Variants in PEAK1 observed in about 807,000 individuals in gnomAD.
PEAK1 encodes the protein inactive tyrosine-protein kinase PEAK1.
In PEAK1, 54 loss-of-function variants were observed where a neutral mutation model predicts 124.7. That is an observed-to-expected ratio of 0.43 (90% CI 0.35 to 0.54). PEAK1 has a LOEUF of 0.54. Ranked by LOEUF, PEAK1 falls within the 20% of genes least tolerant of loss-of-function variation. The pLI is 0.01. For missense variants in PEAK1, 2,046 were observed against 2,134.5 expected (o/e 0.96, Z 0.82); for synonymous variants, 719 against 760.0 (o/e 0.95, Z 0.89).
At chr15:77,169,714 G>T (rs1291014494) in intron 7 of PEAK1, among the ~76,000 whole-genome samples, 1 of 152,194 alleles carries the variant, frequency 6.6e-6, no homozygotes, top group Admixed American at 6.5e-5. Flanking sequence ...CAAGGTAGTA[G>T]AAGCAGAGGT....
chr15:77,104,239 G>C (rs1378005793), downstream of PEAK1: 1 of 152,410 alleles, frequency 6.6e-6, no homozygotes, highest in African/African-American at 2.4e-5. Context: ...GTGTGGGAAA[G>C]CCTGGACCAG....
At chr15:77,337,716 T>C in intron 2 of PEAK1, 2 of 985,268 alleles carry the variant, frequency 2.0e-6, no homozygotes, top group South Asian at 9.4e-5. Flanking sequence ...TTTATTATTA[T>C]AGCACAGTTA....
At chr15:77,216,225 G>A (rs1205052403) in intron 6 of PEAK1, among the ~76,000 whole-genome samples, 3 of 152,132 alleles carry the variant, frequency 2.0e-5, no homozygotes, top group African/African-American at 7.2e-5. Context: ...CCTTTGGAAC[G>A]TTTTGTATTT....
In PEAK1 at chr15:77,269,374, T is replaced by A. The variant is rs140008033; in HGVS notation, c.-275+14509A>T. Among the ~76,000 whole-genome samples, 386 of 152,282 alleles carry A rather than the reference T, an allele frequency of 2.5e-3. 14 individuals are homozygous for A. The East Asian group carries it at 0.066, about 26-fold the overall frequency. ...AAGCAAGCAGGAGTAGCTATTCTTA[T>A]ATCAGACAAAACAAACTTTAAATCA... On this transcript the variant is annotated intron_variant, in intron 5 of 9. Transcript: ENST00000682557.
chr15:77,230,789 T>C (rs1018745107), intron 6 of PEAK1, among the ~76,000 whole-genome samples: 5 of 151,990 alleles, frequency 3.3e-5, no homozygotes, highest in Admixed American at 1.3e-4. Context: ...ACTATGATTG[T>C]ACCACTACAC....
At chr15:77,117,790 A>C (rs973082339) in intron 9 of PEAK1, among the ~76,000 whole-genome samples, 4 of 152,236 alleles carry the variant, frequency 2.6e-5, no homozygotes, top group African/African-American at 9.6e-5. Context: ...CAGGCTGAAA[A>C]AAAAAACTGT....
downstream of PEAK1, chr15:77,108,151 T>A (rs554916921): frequency 6.6e-6 from 1 of 152,148 alleles, no homozygotes; most frequent in African/African-American, 2.4e-5. Flanking sequence ...GGACAAGCAT[T>A]TGTCTGTTTT....
intron 1 of PEAK1, 99 bp downstream of exon 1, chr15:77,419,907 C>T (rs2073243143): frequency 6.7e-6 from 1 of 149,924 alleles, no homozygotes; most frequent in Non-Finnish European, 1.5e-5. Flanking sequence ...GCCCGGATTC[C>T]CCCGGGTCAG....
chr15:77,133,354 AT>A lies in PEAK1; in HGVS notation c.3727del (p.Ile1243LeufsTer44). The stretch of plus-strand genomic sequence containing the variant: ...CATGCTGTTGGAAAATCTATCCTTA[AT>A]ACTGAGAGTGGTTAAGCTGGAAATG... ...NSISSLTTLS[I>X]KDRFSNSMES... On this transcript the variant is annotated frameshift_variant, in exon 9 of 10. Coordinates refer to ENST00000682557, the MANE Select transcript of PEAK1 (RefSeq NM_001385026.1). LOFTEE classifies it high-confidence loss of function. This position sits in a 1 kb window ranked among gnomAD's most constrained non-coding sequence, Gnocchi z 4.2. 1.2e-6 allele frequency: 2 copies of A among 1,614,250 alleles called. No individual in the cohort carries two copies. Among genetic ancestry groups the A allele is most frequent in the Non-Finnish European group, 1.7e-6 (2 of 1,180,042 alleles).
At chr15:77,255,279 T>A in intron 5 of PEAK1, 1 of 763,466 alleles carries the variant, frequency 1.3e-6, no homozygotes, top group Non-Finnish European at 1.6e-6. Flanking sequence ...ATAACAACAA[T>A]GAAATAACAA....
chr15:77,395,405 A>G (rs1300900864), intron 1 of PEAK1, among the ~76,000 whole-genome samples: 1 of 152,248 alleles, frequency 6.6e-6, no homozygotes, highest in Non-Finnish European at 1.5e-5. Flanking sequence ...AAGGGATAAC[A>G]GAAGACTTCC....
intron 2 of PEAK1, among the ~76,000 whole-genome samples, chr15:77,323,230 G>A (rs1377409804): frequency 6.6e-6 from 1 of 152,126 alleles, no homozygotes; most frequent in Non-Finnish European, 1.5e-5. Flanking sequence ...CACAAGACAG[G>A]GATGCCCTCT....
At chr15:77,225,589 G>A (rs2059593422) in intron 6 of PEAK1, among the ~76,000 whole-genome samples, 1 of 147,588 alleles carries the variant, frequency 6.8e-6, no homozygotes, top group Admixed American at 6.9e-5. Flanking sequence ...TTCTGGTCCA[G>A]AAGTAAGCAA....
chr15:77,343,518 G>A (rs1038850769), intron 2 of PEAK1, among the ~76,000 whole-genome samples: 1 of 125,662 alleles, frequency 8.0e-6, no homozygotes, highest in East Asian at 2.4e-4. Context: ...ACGGAGTCTC[G>A]CTCCGTTGCT....
chr15:77,192,854 C>A (rs1404620600), intron 6 of PEAK1, among the ~76,000 whole-genome samples: 6 of 151,780 alleles, frequency 4.0e-5, no homozygotes, highest in Non-Finnish European at 8.8e-5. Context: ...AAAAAAAATT[C>A]TTTATATTAT....
At chr15:77,347,713 C>G in intron 2 of PEAK1, 1 of 972,516 alleles carries the variant, frequency 1.0e-6, no homozygotes. Context: ...GAAAATATTT[C>G]CATGTTTAAA....
intron 1 of PEAK1, among the ~76,000 whole-genome samples, chr15:77,399,242 T>C (rs1439567547): frequency 6.6e-6 from 1 of 152,072 alleles, no homozygotes; most frequent in Non-Finnish European, 1.5e-5. Context: ...AAAATGTCCA[T>C]ACAACCCAAA....
chr15:77,280,164 A>C (rs1379695306), intron 5 of PEAK1, among the ~76,000 whole-genome samples: 3 of 152,116 alleles, frequency 2.0e-5, no homozygotes, highest in Non-Finnish European at 4.4e-5. Context: ...AACATGGTGA[A>C]ATCTCAGTCT....
chr15:77,347,215 C>T (rs2066923072), intron 2 of PEAK1: 3 of 983,260 alleles, frequency 3.1e-6, no homozygotes, highest in Non-Finnish European at 3.6e-6. Flanking sequence ...CTTCAAAGTG[C>T]CACGGCCATT....
Sources: allele counts gnomAD v4.1 joint callset (sites outside exome capture counted in the v4.1 genomes callset), GRCh38; gene constraint gnomAD v4.1.1; non-coding constraint Gnocchi (gnomAD v3.1); transcripts MANE v1.5; gene names NCBI Gene and HGNC (gene_info 2026-07-23, HGNC 2026-07-21).